The following DMD variants were observed in gnomAD, a reference collection of about 807,000 sequenced individuals.
The protein encoded by DMD is mutant dystrophin.
Under a neutral mutation model 330.1 loss-of-function variants are expected in DMD, and 63 were observed. That is an observed-to-expected ratio of 0.19 (90% CI 0.16 to 0.24). The LOEUF is 0.24. DMD is among the 10% of genes least tolerant of loss of function. The probability of loss-of-function intolerance (pLI) is 1.00; values close to 1 mark genes in which losing one functional copy is unlikely to be tolerated. For missense variants in DMD, 3,344 were observed against 2,684.1 expected (o/e 1.25, Z -5.43); for synonymous variants, 1,223 against 959.8 (o/e 1.27, Z -5.07).
rs757526622 is a variant in DMD, at chrX:32,131,734, C to G, written c.6438+85182G>C. 1.3e-4 allele frequency among the ~76,000 whole-genome samples: 15 copies of G among 112,219 alleles called. No individual in the cohort carries two copies. In the East Asian group the frequency reaches 3.9e-3, roughly 29 times the overall value. ...TCTGTTCTACTGCTGCTGTTTTACACGACATTCTCCTCTAGGTATTACGTA... is the reference window on the plus strand; with the variant it reads ...TCTGTTCTACTGCTGCTGTTTTACAGGACATTCTCCTCTAGGTATTACGTA... On this transcript the variant is annotated intron_variant, in intron 44 of 78. Coordinates refer to ENST00000357033, the MANE Select transcript of DMD (RefSeq NM_004006.3).
chrX:32,726,029 G>C (rs1381754820), intron 7 of DMD, among the ~76,000 whole-genome samples: 2 of 110,137 alleles, frequency 1.8e-5, no homozygotes, highest in Admixed American at 9.8e-5. Context: ...ATTTCTAATA[G>C]GTATATCTCT....
chrX:31,904,646 A>G lies in DMD; in HGVS notation c.6912+24950T>C, dbSNP rs181880887. On this transcript the variant is annotated intron_variant, in intron 47 of 78. Coordinates refer to ENST00000357033, the MANE Select transcript of DMD (RefSeq NM_004006.3). ...ATCAGCCAACAAGAAAAGGAAGACT[A>G]CAGTCCAATAACCCACATGGAACTG... Among the ~76,000 whole-genome samples, 8 of 111,788 alleles carry G rather than the reference A, an allele frequency of 7.2e-5. No individual in the cohort carries two copies. The East Asian group carries it at 2.0e-3, about 28-fold the overall frequency.
At chrX:32,643,588 A>G (rs998038577) in intron 11 of DMD, among the ~76,000 whole-genome samples, 3 of 111,602 alleles carry the variant, frequency 2.7e-5, no homozygotes, top group Admixed American at 9.6e-5. Flanking sequence ...TTTTTCAGAA[A>G]TGTCTCAAAT....
At chrX:32,453,594 T>A (rs1467731649) in intron 26 of DMD, among the ~76,000 whole-genome samples, 1 of 110,729 alleles carries the variant, frequency 9.0e-6, no homozygotes, top group East Asian at 2.8e-4. Context: ...ATTAAAATAA[T>A]AAATAATGAG....
rs188165789 is a variant in DMD at position 31,770,662 on chromosome X, G to A, written c.7542+3298C>T. ...TCACCCACACAATATCAGAGAAGTTGAAAACTATGAGGTTTAAGGGAGAGG... is the reference window on the plus strand; with the variant it reads ...TCACCCACACAATATCAGAGAAGTTAAAAACTATGAGGTTTAAGGGAGAGG... On this transcript the variant is annotated intron_variant, in intron 51 of 78. Transcript: ENST00000357033. Among the ~76,000 whole-genome samples, 636 of 111,696 alleles carry A rather than the reference G, an allele frequency of 5.7e-3. 2 individuals are homozygous for A. Among genetic ancestry groups the A allele is most frequent in the Non-Finnish European group, 8.9e-3 (473 of 53,121 alleles).
chrX:32,388,487 T>TA (rs1422784327), intron 32 of DMD, among the ~76,000 whole-genome samples: 2 of 109,359 alleles, frequency 1.8e-5, no homozygotes, highest in African/African-American at 6.7e-5. Flanking sequence ...ATTATACCAC[T>TA]AAAATGCAGC....
At chrX:32,903,090 GAGGTTGCAGCCC>G (rs200991936) in intron 2 of DMD, among the ~76,000 whole-genome samples, 1,326 of 93,309 alleles carry the variant, frequency 0.014, 40 homozygotes, top group East Asian at 0.055. Context: ...CCGGGAGGCG[GAGGTTGCAGCCC>G]AGGTTGCAGC....
intron 41 of DMD, among the ~76,000 whole-genome samples, chrX:32,314,806 A>G (rs1047792728): frequency 2.7e-5 from 3 of 112,174 alleles, no homozygotes; most frequent in African/African-American, 9.7e-5. Context: ...ATCACTGGTC[A>G]TTAGAGAAAT....
At chrX:33,185,290 T>C (rs2050200909) in intron 1 of DMD, among the ~76,000 whole-genome samples, 1 of 111,583 alleles carries the variant, frequency 9.0e-6, no homozygotes. Context: ...AACATTCAAA[T>C]TGAGGAGCAA....
At chrX:32,509,689 T>C (rs1468114069) in intron 18 of DMD, among the ~76,000 whole-genome samples, 1 of 111,965 alleles carries the variant, frequency 8.9e-6, no homozygotes, top group African/African-American at 3.2e-5. Context: ...GGATTCCTTT[T>C]TCTTCTTAGA....
intron 13 of DMD, among the ~76,000 whole-genome samples, chrX:32,588,358 T>C (rs2054521709): frequency 8.9e-6 from 1 of 112,066 alleles, no homozygotes; most frequent in South Asian, 3.7e-4. Flanking sequence ...AAATGAGTTT[T>C]CTATACATAG....
intron 44 of DMD, among the ~76,000 whole-genome samples, chrX:32,108,516 T>G (rs2096574947): frequency 9.0e-6 from 1 of 111,666 alleles, no homozygotes; most frequent in Non-Finnish European, 1.9e-5. Flanking sequence ...AAAAGTGCCT[T>G]TTCCTGAGGA....
At chrX:32,419,533 G>A (rs192588837) in intron 29 of DMD, among the ~76,000 whole-genome samples, 153 of 112,074 alleles carry the variant, frequency 1.4e-3, no homozygotes, top group Admixed American at 5.2e-3. Context: ...ACAAAGATGT[G>A]TACATGTCTG....
chrX:32,296,106 TAGC>T (rs1422389561), intron 42 of DMD, among the ~76,000 whole-genome samples: 16 of 112,126 alleles, frequency 1.4e-4, no homozygotes, highest in Middle Eastern at 4.6e-3. Context: ...TTATTTAAAA[TAGC>T]AGCCGGGCGC....
At chrX:32,580,369 A>G (rs1234068859) in intron 13 of DMD, among the ~76,000 whole-genome samples, 1 of 112,175 alleles carries the variant, frequency 8.9e-6, no homozygotes, top group Non-Finnish European at 1.9e-5. Context: ...CAATCTGCTA[A>G]TCATTACATA....
At chrX:32,182,026 A>G (rs2096928789) in intron 44 of DMD, among the ~76,000 whole-genome samples, 1 of 112,299 alleles carries the variant, frequency 8.9e-6, no homozygotes, top group South Asian at 3.7e-4. Flanking sequence ...TAGCCTAGCC[A>G]CAGGCAAGGT....
At chrX:32,898,985 G>A (rs2085978325) in intron 2 of DMD, among the ~76,000 whole-genome samples, 1 of 111,888 alleles carries the variant, frequency 8.9e-6, no homozygotes, top group African/African-American at 3.2e-5. Flanking sequence ...TAGACAACAT[G>A]CACACATAAA....
chrX:33,200,426 TAGAC>T (rs1244533382), intron 1 of DMD, among the ~76,000 whole-genome samples: 2 of 111,165 alleles, frequency 1.8e-5, no homozygotes, highest in Admixed American at 9.6e-5. Flanking sequence ...GTATGTATGA[TAGAC>T]AGAAAGACAA....
At chrX:31,588,980 C>T (rs1160893382) in intron 55 of DMD, among the ~76,000 whole-genome samples, 1 of 105,346 alleles carries the variant, frequency 9.5e-6, no homozygotes, top group African/African-American at 3.5e-5. Context: ...AATAACTTAA[C>T]GAAGGATATT....
Sources: gnomAD v4.1 joint callset for allele counts (sites outside exome capture counted in the v4.1 genomes callset) on GRCh38, gnomAD v4.1.1 for gene constraint, MANE v1.5 for transcripts, NCBI Gene and HGNC (gene_info 2026-07-23, HGNC 2026-07-21) for gene names.